Variants in GLIS3 observed in about 807,000 individuals in gnomAD.
GLIS3 encodes zinc finger protein GLIS3.
A neutral mutation model predicts 78.6 loss-of-function variants in GLIS3; 53 were observed. That is an observed-to-expected ratio of 0.67 (90% CI 0.54 to 0.85). GLIS3 has a LOEUF of 0.85. Among genes scored for constraint, GLIS3 ranks in the 40% least tolerant of loss-of-function variants. The probability of loss-of-function intolerance (pLI) is 0.00; values close to 1 mark genes in which losing one functional copy is unlikely to be tolerated. For synonymous variants in GLIS3, 684 were observed against 509.9 expected, an observed-to-expected ratio of 1.34 and a Z score of -4.60; for missense variants, 1,703 against 1,231.1, an observed-to-expected ratio of 1.38 and a Z score of -5.74.
intron 4 of GLIS3, among the ~76,000 whole-genome samples, chr9:4,013,066 T>C (rs916986381): frequency 1.3e-5 from 2 of 151,972 alleles, no homozygotes; most frequent in African/African-American, 4.8e-5. Context: ...TCTGGTTTCT[T>C]ATATGGAAAT....
intron 1 of GLIS3, among the ~76,000 whole-genome samples, chr9:4,297,618 C>T (rs1447192389): frequency 6.6e-6 from 1 of 152,156 alleles, no homozygotes; most frequent in South Asian, 2.1e-4. Flanking sequence ...AACGGGGCCG[C>T]GACTCCACGA....
At chr9:4,229,522 C>A (rs1822072567) in intron 2 of GLIS3, among the ~76,000 whole-genome samples, 3 of 152,122 alleles carry the variant, frequency 2.0e-5, no homozygotes, top group African/African-American at 7.2e-5. Flanking sequence ...GTCTCCTGCA[C>A]AGTGTTATCC....
intron 4 of GLIS3, among the ~76,000 whole-genome samples, chr9:4,009,049 C>T (rs910591478): frequency 5.3e-5 from 8 of 152,120 alleles, no homozygotes; most frequent in African/African-American, 1.7e-4. Flanking sequence ...CTTGACCCTC[C>T]GATATTCCTT....
chr9:4,141,041 C>T (rs1224311220), intron 2 of GLIS3, among the ~76,000 whole-genome samples: 1 of 152,156 alleles, frequency 6.6e-6, no homozygotes, highest in Non-Finnish European at 1.5e-5. Flanking sequence ...CTCAGGTGAT[C>T]CACCCTCCTC....
chr9:4,249,063 G>A (rs1336904024), intron 2 of GLIS3, among the ~76,000 whole-genome samples: 1 of 152,178 alleles, frequency 6.6e-6, no homozygotes, highest in Admixed American at 6.5e-5. Context: ...CAGGTAGCAT[G>A]ATGTCTCCAG....
intron 4 of GLIS3, among the ~76,000 whole-genome samples, chr9:4,096,305 T>G (rs1381818312): frequency 1.3e-5 from 2 of 152,176 alleles, no homozygotes; most frequent in African/African-American, 2.4e-5. Flanking sequence ...TTCCTACCAG[T>G]TGTGTTATAA....
chr9:4,125,644 G>A, intron 3 of GLIS3, 90 bp downstream of exon 3: 2 of 870,542 alleles, frequency 2.3e-6, no homozygotes, highest in South Asian at 2.7e-5. Context: ...GTGTGTGTGT[G>A]TGTGTGTGTG....
intron 4 of GLIS3, among the ~76,000 whole-genome samples, chr9:4,083,809 C>T (rs1265658028): frequency 6.6e-6 from 1 of 152,176 alleles, no homozygotes; most frequent in African/African-American, 2.4e-5. Flanking sequence ...TGCAAGATGA[C>T]CAGCTAAGCT....
At chr9:3,991,683 ATTTT>A (rs59495657) in intron 4 of GLIS3, among the ~76,000 whole-genome samples, 21 of 87,896 alleles carry the variant, frequency 2.4e-4, no homozygotes, top group African/African-American at 7.9e-4. Context: ...AAGTAGGCTG[ATTTT>A]TTTTTTTTTT....
chr9:3,875,029 C>A (rs1464852703), intron 8 of GLIS3, among the ~76,000 whole-genome samples: 2 of 152,192 alleles, frequency 1.3e-5, no homozygotes, highest in Admixed American at 6.5e-5. Flanking sequence ...AGGATTTATT[C>A]TTGGAATTGT....
At chr9:4,136,904 G>C (rs1215335629) in intron 2 of GLIS3, among the ~76,000 whole-genome samples, 1 of 152,170 alleles carries the variant, frequency 6.6e-6, no homozygotes, top group Non-Finnish European at 1.5e-5. Context: ...AAATTCCTAA[G>C]CTCCACTGCA....
the GLIS3 span, among the ~76,000 whole-genome samples, chr9:4,416,252 T>TTAA: frequency 9.1e-4 from 69 of 75,842 alleles, 3 homozygotes; most frequent in East Asian, 8.7e-3. Flanking sequence ...ACACTGTTTT[T>TTAA]AAAAAAAAAA....
At chr9:4,395,328 A>G in the GLIS3 span, among the ~76,000 whole-genome samples, 2 of 152,118 alleles carry the variant, frequency 1.3e-5, no homozygotes, top group Non-Finnish European at 2.9e-5. Context: ...TAGTGTGGGT[A>G]TTTTGTTGAG....
chr9:4,252,839 T>C (rs538046340), intron 2 of GLIS3, among the ~76,000 whole-genome samples: 60 of 152,312 alleles, frequency 3.9e-4, no homozygotes, highest in Non-Finnish European at 6.2e-4. Context: ...TCCTTTCTGT[T>C]TGTTAGTTTT....
chr9:4,324,256 T>TCA (rs35130008), intron 2 of GLIS3, among the ~76,000 whole-genome samples: 61 of 152,338 alleles, frequency 4.0e-4, no homozygotes, highest in Non-Finnish European at 7.8e-4. Flanking sequence ...ATTTTAAAGA[T>TCA]CACTTCATAG....
intron 2 of GLIS3, among the ~76,000 whole-genome samples, chr9:4,334,649 A>G (rs1817727955): frequency 2.0e-5 from 3 of 152,198 alleles, no homozygotes; most frequent in African/African-American, 7.2e-5. Flanking sequence ...GGGCCTGTTC[A>G]GCCACTGTCC....
chr9:4,383,644 G>A, the GLIS3 span, among the ~76,000 whole-genome samples: 2 of 152,056 alleles, frequency 1.3e-5, no homozygotes, highest in Non-Finnish European at 2.9e-5. Context: ...TGGTTAAAAG[G>A]AAATAAAATC....
intron 2 of GLIS3, among the ~76,000 whole-genome samples, chr9:4,133,112 C>T (rs989346228): frequency 7.2e-5 from 11 of 152,200 alleles, no homozygotes; most frequent in Admixed American, 6.5e-4. Context: ...TGAAGCTCAT[C>T]GTACTATCTA....
intron 4 of GLIS3, among the ~76,000 whole-genome samples, chr9:3,955,072 C>G (rs1817006120): frequency 6.6e-6 from 1 of 152,138 alleles, no homozygotes; most frequent in Non-Finnish European, 1.5e-5. Flanking sequence ...AGGGGACAGG[C>G]TGGGGAGAGA....
Sources: gnomAD v4.1 joint callset for allele counts (sites outside exome capture counted in the v4.1 genomes callset) on GRCh38, gnomAD v4.1.1 for gene constraint, MANE v1.5 for transcripts, NCBI Gene and HGNC (gene_info 2026-07-23, HGNC 2026-07-21) for gene names.